Variants in AGRN observed in about 807,000 individuals in gnomAD.
AGRN encodes agrin proteoglycan.
AGRN carries 106 observed loss-of-function variants against 211.0 expected under a neutral mutation model. That is an observed-to-expected ratio of 0.50 (90% CI 0.43 to 0.59). The LOEUF (loss-of-function observed/expected upper bound fraction) is 0.59. AGRN is among the 20% of genes least tolerant of loss of function. The pLI, the probability that AGRN is intolerant of heterozygous loss-of-function variation, is 0.00. For missense variants in AGRN, 3,040 were observed against 2,982.6 expected, an observed-to-expected ratio of 1.02 and a Z score of -0.45; for synonymous variants, 1,525 against 1,332.5, an observed-to-expected ratio of 1.14 and a Z score of -3.15.
At chr1:1,053,543 C>T (rs770562133) in intron 33 of AGRN, 1 of 1,527,402 alleles carries the variant, frequency 6.5e-7, no homozygotes, top group Non-Finnish European at 8.8e-7. Context: ...CCCATCTGTC[C>T]TCCCGCCCGT....
chr1:1,029,386 G>GTGTCTATGCAGGCAGGTGGGGGGGAC (rs368498839), intron 2 of AGRN, among the ~76,000 whole-genome samples: 1 of 77,508 alleles, frequency 1.3e-5, no homozygotes, highest in African/African-American at 4.7e-5. Context: ...CAGGTGGGGG[G>GTGTCTATGCAGGCAGGTGGGGGGGAC]ATCAGTGTCT....
At chr1:1,023,503 C>G (rs973180535) in intron 2 of AGRN, among the ~76,000 whole-genome samples, 7 of 152,052 alleles carry the variant, frequency 4.6e-5, no homozygotes, top group Non-Finnish European at 1.0e-4. Flanking sequence ...ACATGATAAC[C>G]TTGGTCCTCT....
At chr1:1,020,470 GCC>G in intron 1 of AGRN, 97 bp downstream of exon 1, 1 of 1,231,032 alleles carries the variant, frequency 8.1e-7, no homozygotes, top group Non-Finnish European at 1.1e-6. Context: ...TCGCTCCGCA[GCC>G]CCCGCTCCGG....
chr1:1,054,059 G>A (rs1361472209), intron 34 of AGRN, 82 bp downstream of exon 34: 3 of 1,450,338 alleles, frequency 2.1e-6, no homozygotes, highest in African/African-American at 1.4e-5. Flanking sequence ...AGTCACTTGT[G>A]ACCAGGGGTC....
At chr1:1,050,889 TCGGGCGGCAGCCCCGCCCCTG>T (rs1645265657) in intron 30 of AGRN, 52 bp downstream of exon 30, 1 of 1,518,558 alleles carries the variant, frequency 6.6e-7, no homozygotes, top group East Asian at 2.5e-5. Flanking sequence ...CTCTTCCTCC[TCGGGCGGCAGCCCCGCCCCTG>T]CCGGCGCTCA....
At chr1:1,029,458 C>T (rs1435053685) in intron 2 of AGRN, among the ~76,000 whole-genome samples, 8 of 26,938 alleles carry the variant, frequency 3.0e-4, no homozygotes, top group East Asian at 1.3e-3. Context: ...GGGGACATCC[C>T]GTGTCTATGA....
chr1:1,049,802 GT>G lies in AGRN; in HGVS notation c.4744+8del. 6.2e-7 allele frequency: 1 copy of G among 1,602,906 alleles called. No individual in the cohort carries two copies. The highest frequency in any genetic ancestry group is 8.5e-7 in the Non-Finnish European group (1 of 1,175,210). On this transcript the variant is annotated splice_region_variant and intron_variant, in intron 26 of 35. Transcript: ENST00000379370. ...TGCCCGCCCGGCCGCGTCGGTGAGG[GT>G]GGGGCCGGGGCGGGTGGGAGTGGGA...
At chr1:1,050,913 G>A (rs1029982651) in intron 30 of AGRN, 76 bp downstream of exon 30, 164 of 1,529,362 alleles carry the variant, frequency 1.1e-4, no homozygotes, top group Non-Finnish European at 1.3e-4. Context: ...CGCCCCTGCC[G>A]GCGCTCACGG....
chr1:1,045,815 T>C lies in AGRN; in HGVS notation c.2619T>C (p.Ala873=), dbSNP rs779599910. Residue 873 remains alanine (A), a synonymous_variant, in exon 15 of 36, where the codon GCT becomes GCC. Coordinates refer to ENST00000379370, the MANE Select transcript of AGRN (RefSeq NM_198576.4). ...TGLCSCKPGV[A]GPKCGQCPDG... ...TGTGCTCGTGTAAGCCCGGGGTGGC[T>C]GGACCCAAGTGTGGGCAGTGTCCAG... The C allele has an allele frequency of 3.0e-5, 49 of 1,612,774 alleles. No homozygotes were observed. Among genetic ancestry groups the C allele is most frequent in the Non-Finnish European group, 3.7e-5 (44 of 1,179,922 alleles).
Position 1,048,398 on chromosome 1 carries a change from GGCA to G in AGRN, c.4105+38_4105+40del. 1.5e-6 allele frequency: 2 copies of G among 1,376,240 alleles called. No individual in the cohort carries two copies. Among genetic ancestry groups the G allele is most frequent in the East Asian group, 5.1e-5 (2 of 39,304 alleles). The allele number at this position is 1,376,240 out of a possible 1,614,324, so 85.3% of individuals were successfully genotyped here. A position where few individuals can be genotyped will look rare whatever the true frequency, so the allele number is the denominator to read the frequency against. On this transcript the variant is annotated intron_variant, in intron 23 of 35. Coordinates refer to ENST00000379370, the MANE Select transcript of AGRN (RefSeq NM_198576.4). The surrounding 1 kb of genome is among the most constrained non-coding windows in gnomAD (Gnocchi z 5.9). Reference sequence around the variant, plus strand: ...TGTCCACTGCAGAGGAGGGCGGGGAGGCAGCAGGGTGGGGGCAAGGATTGGGGG... The same window carrying G: ...TGTCCACTGCAGAGGAGGGCGGGGAGGCAGGGTGGGGGCAAGGATTGGGGG...
At position 1,051,873 on chromosome 1, in the gene AGRN, C is replaced by T. The variant is rs113261977; in HGVS notation, c.5651+58C>T. On this transcript the variant is annotated intron_variant, in intron 33 of 35. Transcript: ENST00000379370. ...CATCTGTGCCCTCGGGGCGGGACAC[C>T]GGACCCCCACACCAGGAGGGCCCAG... 37,053 of 1,600,710 alleles carry T rather than the reference C, an allele frequency of 0.023. 510 individuals carry two copies. The highest frequency in any genetic ancestry group is 0.029 in the Middle Eastern group (176 of 6,040).
Position 1,049,764 on chromosome 1 carries a change from G to A in AGRN, c.4713G>A (p.Arg1571=), listed in dbSNP as rs752191523. ...CATGCCAGAACCTGGAGGCTGGAAG[G>A]TTCCATTGCCAGTGCCCGCCCGGCC... is the stretch of plus-strand genomic sequence containing the variant. ...GAPCQNLEAG[R]FHCQCPPGRV... Residue 1571 remains arginine (R), a synonymous_variant, in exon 26 of 36, where the codon AGG becomes AGA. Coordinates refer to ENST00000379370, the MANE Select transcript of AGRN (RefSeq NM_198576.4). The A allele has an allele frequency of 3.2e-6, 5 of 1,585,404 alleles. No homozygotes were observed. Among genetic ancestry groups the A allele is most frequent in the Non-Finnish European group, 4.3e-6 (5 of 1,167,550 alleles).
rs1015074475 is a variant in AGRN, at chr1:1,048,151, C to A, written c.3891C>A (p.Pro1297=). Residue 1297 remains proline, a synonymous_variant, in exon 23 of 36, where the codon CCC becomes CCA. Coordinates refer to ENST00000379370, the MANE Select transcript of AGRN (RefSeq NM_198576.4). This position sits in a 1 kb window ranked among gnomAD's most constrained non-coding sequence, Gnocchi z 5.9. ...CGCACCCCAGTCACACAAGCCAGCC[C>A]GTTGCCAAGACCACGGCAGCCCCCA... The part of the protein sequence containing the change: ...RAPHPSHTSQ[P]VAKTTAAPTT... 6.3e-7 allele frequency: 1 copy of A among 1,579,824 alleles called. No homozygotes were observed. The highest frequency in any genetic ancestry group is 8.5e-7 in the Non-Finnish European group (1 of 1,169,742).
Position 1,031,204 on chromosome 1 carries a change from G to A in AGRN, c.464-4073G>A, listed in dbSNP as rs537907351. On this transcript the variant is annotated intron_variant, in intron 2 of 35. Transcript: ENST00000379370. This position sits in a 1 kb window ranked among gnomAD's most constrained non-coding sequence, Gnocchi z 4.8. ...GGTGCTGAGTGTGAGATCAGCATGT[G>A]TGTGTGCAGTGCATGGTGCTGTGAG... Among the ~76,000 whole-genome samples, 3 of 147,864 alleles carry A rather than the reference G, an allele frequency of 2.0e-5. No individual in the cohort carries two copies. The highest frequency in any genetic ancestry group is 4.4e-4 in the South Asian group (2 of 4,572).
At chr1:1,021,618 C>G (rs138605419) in intron 1 of AGRN, among the ~76,000 whole-genome samples, 2 of 152,246 alleles carry the variant, frequency 1.3e-5, no homozygotes, top group Non-Finnish European at 2.9e-5. Flanking sequence ...CACAGGCCAC[C>G]GTCAGAGCAG....
At chr1:1,053,241 C>G (rs976784185) in intron 33 of AGRN, 7 of 319,254 alleles carry the variant, frequency 2.2e-5, no homozygotes, top group Non-Finnish European at 3.4e-5. Flanking sequence ...CCTCAAGTGT[C>G]TCGTGTCTGC....
intron 2 of AGRN, among the ~76,000 whole-genome samples, chr1:1,027,285 C>T (rs1039599529): frequency 9.9e-5 from 15 of 152,230 alleles, no homozygotes; most frequent in African/African-American, 3.4e-4. Context: ...CCTGCAGCCT[C>T]AGATGTACCA....
intron 18 of AGRN, 24 bp downstream of exon 18, chr1:1,046,759 G>A: frequency 6.3e-7 from 1 of 1,576,442 alleles, no homozygotes; most frequent in East Asian, 2.3e-5. Flanking sequence ...AAGGACTTGG[G>A]GTGGGTGGGC....
intron 27 of AGRN, 49 bp from the exon 28 acceptor site, chr1:1,050,184 C>T (rs915694944): frequency 1.9e-5 from 31 of 1,605,476 alleles, no homozygotes; most frequent in Non-Finnish European, 2.6e-5. Context: ...GCATGGGGTG[C>T]AGGAGGCCCC....
Sources: gnomAD v4.1 joint callset for allele counts (sites outside exome capture counted in the v4.1 genomes callset) on GRCh38, gnomAD v4.1.1 for gene constraint, Gnocchi (gnomAD v3.1) non-coding constraint, MANE v1.5 for transcripts, NCBI Gene and HGNC (gene_info 2026-07-23, HGNC 2026-07-21) for gene names.